PICALM: variants seen among roughly 807,000 people sequenced by gnomAD.
PICALM encodes phosphatidylinositol-binding clathrin assembly protein.
Under a neutral mutation model 80.5 loss-of-function variants are expected in PICALM, and 40 were observed. That is an observed-to-expected ratio of 0.50 (90% CI 0.39 to 0.65). The LOEUF (loss-of-function observed/expected upper bound fraction) is 0.65. PICALM is among the 30% of genes least tolerant of loss of function. The pLI, the probability that PICALM is intolerant of heterozygous loss-of-function variation, is 0.00. For missense variants in PICALM, 676 were observed against 778.9 expected (o/e 0.87, Z 1.57); for synonymous variants, 288 against 260.3 (o/e 1.11, Z -1.02).
rs577115600 is a variant in PICALM at position 86,042,049 on chromosome 11, T to G, written c.131-10438A>C. Among the ~76,000 whole-genome samples, 27 of 152,302 alleles carry G rather than the reference T, an allele frequency of 1.8e-4. No homozygotes were observed. The South Asian group carries it at 3.9e-3, about 22-fold the overall frequency. On this transcript the variant is annotated intron_variant, in intron 1 of 19. Transcript: ENST00000393346. ...TAAACCTAGAGCTTTCCGTTGGCAT[T>G]CTGGTAAACTCTGCATTCCTACCAC...
intron 2 of PICALM, among the ~76,000 whole-genome samples, chr11:86,029,308 A>G (rs1306024952): frequency 2.0e-5 from 3 of 152,188 alleles, no homozygotes; most frequent in Non-Finnish European, 4.4e-5. Flanking sequence ...CAATCACCAC[A>G]GTATAGTGAA....
At position 86,029,855 on chromosome 11, in the gene PICALM, C is replaced by G. The variant is rs193149459; in HGVS notation, c.273+1614G>C. Among the ~76,000 whole-genome samples, 299 of 152,216 alleles carry G rather than the reference C, an allele frequency of 2.0e-3. 2 individuals carry two copies. The highest frequency in any genetic ancestry group is 5.1e-4 in the Non-Finnish European group (35 of 68,004). ...CAAGTTACATTTAAGCTAATACAGC[C>G]AAACATTTCTATTAGCTCTATCAAC... On this transcript the variant is annotated intron_variant, in intron 2 of 19. Transcript: ENST00000393346.
intron 4 of PICALM, 134 bp from the exon 5 acceptor site, chr11:86,015,097 G>A: frequency 1.5e-5 from 9 of 590,724 alleles, no homozygotes; most frequent in Non-Finnish European, 2.0e-5. Flanking sequence ...AGTCATTATG[G>A]AACATGAAAA....
At chr11:86,033,799 T>A (rs1200418714) in intron 1 of PICALM, among the ~76,000 whole-genome samples, 1 of 152,300 alleles carries the variant, frequency 6.6e-6, no homozygotes, top group South Asian at 2.1e-4. Flanking sequence ...ATCAGTCATA[T>A]TTTTTAAGAC....
intron 4 of PICALM, among the ~76,000 whole-genome samples, chr11:86,021,296 A>G (rs567403004): frequency 1.4e-4 from 22 of 152,288 alleles, no homozygotes; most frequent in Admixed American, 5.9e-4. Context: ...CACTGCAGTG[A>G]GCTGGGATGG....
intron 19 of PICALM, among the ~76,000 whole-genome samples, chr11:85,969,081 T>C (rs993192490): frequency 5.3e-5 from 8 of 152,068 alleles, no homozygotes; most frequent in Non-Finnish European, 7.4e-5. Flanking sequence ...GACAATTTCC[T>C]GAAGAATTGA....
chr11:86,061,459 G>C (rs546162377), intron 1 of PICALM, among the ~76,000 whole-genome samples: 8 of 151,502 alleles, frequency 5.3e-5, no homozygotes, highest in Non-Finnish European at 1.2e-4. Flanking sequence ...ACAGGACAAT[G>C]ACCTTAACGG....
chr11:86,041,537 T>G (rs1160500517), intron 1 of PICALM, among the ~76,000 whole-genome samples: 1 of 146,604 alleles, frequency 6.8e-6, no homozygotes, highest in Non-Finnish European at 1.5e-5. Context: ...AAAGGGAATA[T>G]GTAGAGAAGA....
chr11:86,046,079 T>G (rs542439620), intron 1 of PICALM, among the ~76,000 whole-genome samples: 1 of 152,336 alleles, frequency 6.6e-6, no homozygotes, highest in Admixed American at 6.5e-5. Flanking sequence ...AGTTAATTTC[T>G]CCCATTAAAA....
At chr11:85,972,630 T>C (rs2094145839) in intron 19 of PICALM, among the ~76,000 whole-genome samples, 1 of 152,192 alleles carries the variant, frequency 6.6e-6, no homozygotes, top group South Asian at 2.1e-4. Context: ...AGGGTTTAAC[T>C]ACATATCAGG....
At position 85,990,231 on chromosome 11, in the gene PICALM, A is replaced by T. The variant is rs2094721263; in HGVS notation, c.1408+19T>A. On this transcript the variant is annotated intron_variant, in intron 13 of 19. Coordinates refer to ENST00000393346, the MANE Select transcript of PICALM (RefSeq NM_007166.4). Reference sequence around the variant, plus strand: ...CAGTATAAACATTGATTGGAAAAAAAGGTTAAATGGTACTTTACCAACAAA... The same window carrying T: ...CAGTATAAACATTGATTGGAAAAAATGGTTAAATGGTACTTTACCAACAAA... 6.7e-7 allele frequency: 1 copy of T among 1,494,656 alleles called. No homozygotes were observed. Among genetic ancestry groups the T allele is most frequent in the South Asian group, 1.2e-5 (1 of 81,530 alleles). 92.6% of individuals were successfully genotyped at this position (1,494,656 alleles called of 1,614,324 possible).
intron 7 of PICALM, among the ~76,000 whole-genome samples, chr11:86,008,339 A>C (rs887195066): frequency 6.6e-6 from 1 of 152,124 alleles, no homozygotes; most frequent in Non-Finnish European, 1.5e-5. Context: ...AATCTGATAA[A>C]GGCCAGATAT....
At chr11:86,003,922 T>C (rs1488008972) in intron 8 of PICALM, 1 of 152,408 alleles carries the variant, frequency 6.6e-6, no homozygotes, top group African/African-American at 2.4e-5. Context: ...CTTACTACAA[T>C]GACTAAAGTT....
intron 4 of PICALM, among the ~76,000 whole-genome samples, chr11:86,019,637 C>T (rs1180140622): frequency 1.3e-5 from 2 of 152,130 alleles, no homozygotes; most frequent in Non-Finnish European, 2.9e-5. Context: ...AAAAGTTCTC[C>T]ACCATAATCT....
intron 4 of PICALM, among the ~76,000 whole-genome samples, chr11:86,022,139 C>T (rs1321749681): frequency 6.6e-6 from 1 of 152,086 alleles, no homozygotes; most frequent in Non-Finnish European, 1.5e-5. Flanking sequence ...GAATTACACA[C>T]TTTAAAATGA....
intron 1 of PICALM, among the ~76,000 whole-genome samples, chr11:86,059,698 G>C (rs1419941162): frequency 6.6e-6 from 1 of 152,132 alleles, no homozygotes; most frequent in Non-Finnish European, 1.5e-5. Flanking sequence ...AGAGTTCAGA[G>C]TTACAGTAAG....
intron 19 of PICALM, among the ~76,000 whole-genome samples, chr11:85,973,764 G>A (rs1290994573): frequency 2.0e-5 from 3 of 152,108 alleles, no homozygotes; most frequent in Admixed American, 2.0e-4. Context: ...CAAGTGAAAG[G>A]GGAATAACAA....
chr11:85,959,193 T>C (rs1247621178), intron 19 of PICALM, 133 bp from the exon 20 acceptor site: 6 of 530,312 alleles, frequency 1.1e-5, no homozygotes, highest in African/African-American at 1.9e-5. Flanking sequence ...ACCCTGTTTA[T>C]AAAACAAAGT....
intron 6 of PICALM, among the ~76,000 whole-genome samples, chr11:86,011,775 G>C (rs1464556698): frequency 6.6e-6 from 1 of 151,530 alleles, no homozygotes; most frequent in African/African-American, 2.4e-5. Flanking sequence ...ATTCTTCTGG[G>C]ACAAAATATT....
Sources: gnomAD v4.1 joint callset for allele counts (sites outside exome capture counted in the v4.1 genomes callset) on GRCh38, gnomAD v4.1.1 for gene constraint, MANE v1.5 for transcripts, NCBI Gene and HGNC (gene_info 2026-07-23, HGNC 2026-07-21) for gene names.